The following TRPC4 variants were observed in gnomAD, a reference collection of about 807,000 sequenced individuals.
TRPC4 encodes the protein short transient receptor potential channel 4.
A neutral mutation model predicts 99.4 loss-of-function variants in TRPC4; 49 were observed. The observed-to-expected ratio is 0.49, with a 90% confidence interval of 0.39 to 0.63. The LOEUF (loss-of-function observed/expected upper bound fraction) is 0.63. Among genes scored for constraint, TRPC4 ranks in the 20% least tolerant of loss-of-function variants. The pLI, the probability that TRPC4 is intolerant of heterozygous loss-of-function variation, is 0.00. For synonymous variants in TRPC4, 454 were observed against 425.9 expected (o/e 1.07, Z -0.81); for missense variants, 898 against 1,152.9 (o/e 0.78, Z 3.20).
chr13:37,736,207 G>T (rs544557851), intron 3 of TRPC4, among the ~76,000 whole-genome samples: 9 of 152,210 alleles, frequency 5.9e-5, no homozygotes, highest in Non-Finnish European at 8.8e-5. Flanking sequence ...GCACTGAAAG[G>T]TTTGGTCCCT....
At chr13:37,778,194 A>G (rs552451150) in intron 2 of TRPC4, among the ~76,000 whole-genome samples, 51 of 152,218 alleles carry the variant, frequency 3.4e-4, no homozygotes, top group African/African-American at 1.2e-3. Flanking sequence ...CCAGACCAGC[A>G]TATGTCTTCA....
intron 1 of TRPC4, among the ~76,000 whole-genome samples, chr13:37,845,683 C>G (rs1267662798): frequency 6.6e-6 from 1 of 151,154 alleles, no homozygotes; most frequent in Non-Finnish European, 1.5e-5. Context: ...CACCATAAAG[C>G]AAACTAACTT....
chr13:37,777,921 C>T (rs1956751148), intron 2 of TRPC4, among the ~76,000 whole-genome samples: 1 of 151,964 alleles, frequency 6.6e-6, no homozygotes, highest in Non-Finnish European at 1.5e-5. Flanking sequence ...CACTTCACTT[C>T]ACTCTGTGCT....
intron 8 of TRPC4, among the ~76,000 whole-genome samples, chr13:37,648,814 G>A (rs772405056): frequency 1.8e-4 from 28 of 152,202 alleles, no homozygotes; most frequent in Non-Finnish European, 3.1e-4. Context: ...GAGAGGATAG[G>A]AGGGAGGGTT....
At position 37,824,679 on chromosome 13, in the gene TRPC4, A is replaced by T. The variant is rs566602337; in HGVS notation, c.-27-41319T>A. On this transcript the variant is annotated intron_variant, in intron 1 of 10. Coordinates refer to ENST00000379705, the MANE Select transcript of TRPC4 (RefSeq NM_016179.4). Reference sequence around the variant, plus strand: ...GTGCTGCTGGATTCGGTTTGCCATTATTTTATTGAGGATTTTTGCATCAAT... The same window carrying T: ...GTGCTGCTGGATTCGGTTTGCCATTTTTTTATTGAGGATTTTTGCATCAAT... Among the ~76,000 whole-genome samples, 685 of 152,178 alleles carry T rather than the reference A, an allele frequency of 4.5e-3. 2 individuals carry two copies. The highest frequency in any genetic ancestry group is 8.4e-3 in the Non-Finnish European group (569 of 68,016).
intron 1 of TRPC4, among the ~76,000 whole-genome samples, chr13:37,861,232 T>G (rs891299762): frequency 6.6e-6 from 1 of 151,560 alleles, no homozygotes; most frequent in Non-Finnish European, 1.5e-5. Flanking sequence ...TTTTTCTCAA[T>G]TGGGTTGTAT....
intron 3 of TRPC4, among the ~76,000 whole-genome samples, chr13:37,725,528 A>T (rs1023027553): frequency 5.3e-5 from 8 of 152,168 alleles, no homozygotes; most frequent in Admixed American, 4.6e-4. Context: ...CCTGAATAAG[A>T]TTATCAACAG....
Position 37,636,684 on chromosome 13 carries a change from A to G in TRPC4, c.*219T>C. Reference sequence around the variant, plus strand: ...AAGGTGCATTTATTTATTAACAAAAACAATTGTAAGACAAATTGTGAAAGC... The same window carrying G: ...AAGGTGCATTTATTTATTAACAAAAGCAATTGTAAGACAAATTGTGAAAGC... On this transcript the variant is annotated 3_prime_UTR_variant, in exon 11 of 11. Coordinates refer to ENST00000379705, the MANE Select transcript of TRPC4 (RefSeq NM_016179.4). 2.2e-6 allele frequency: 1 copy of G among 463,208 alleles called. No homozygotes were observed. Among genetic ancestry groups the G allele is most frequent in the East Asian group, 3.6e-5 (1 of 28,090 alleles). The allele number at this position is 463,208 out of a possible 1,614,324, so 28.7% of individuals were successfully genotyped here. A position where few individuals can be genotyped will look rare whatever the true frequency, so the allele number is the denominator to read the frequency against.
intron 3 of TRPC4, among the ~76,000 whole-genome samples, chr13:37,698,182 T>C (rs1421122246): frequency 1.4e-5 from 2 of 145,676 alleles, no homozygotes; most frequent in Non-Finnish European, 3.0e-5. Flanking sequence ...TTTTTTTGAG[T>C]GGGAATCTCA....
intron 3 of TRPC4, among the ~76,000 whole-genome samples, chr13:37,716,473 T>G (rs61955495): frequency 6.6e-6 from 1 of 152,150 alleles, no homozygotes; most frequent in African/African-American, 2.4e-5. Context: ...GGGTAGCTCA[T>G]GAAGAGAGCA....
intron 2 of TRPC4, among the ~76,000 whole-genome samples, chr13:37,760,461 T>A (rs1956193944): frequency 6.6e-6 from 1 of 151,980 alleles, no homozygotes; most frequent in South Asian, 2.1e-4. Context: ...GAAGTTATTA[T>A]AACTTTCCTA....
At chr13:37,730,561 A>G (rs1285567579) in intron 3 of TRPC4, among the ~76,000 whole-genome samples, 1 of 151,818 alleles carries the variant, frequency 6.6e-6, no homozygotes, top group Admixed American at 6.6e-5. Context: ...GAACATTTCC[A>G]TTTATATTAT....
chr13:37,728,883 T>C (rs1955153103), intron 3 of TRPC4, among the ~76,000 whole-genome samples: 1 of 152,108 alleles, frequency 6.6e-6, no homozygotes, highest in Non-Finnish European at 1.5e-5. Context: ...CTCACATATG[T>C]GATCAAATTG....
At chr13:37,737,517 G>A (rs1955436774) in intron 3 of TRPC4, among the ~76,000 whole-genome samples, 1 of 152,014 alleles carries the variant, frequency 6.6e-6, no homozygotes, top group African/African-American at 2.4e-5. Context: ...CTGTTCCGCA[G>A]GCTGGAATGC....
At chr13:37,809,043 A>C (rs969441289) in intron 1 of TRPC4, among the ~76,000 whole-genome samples, 7 of 152,142 alleles carry the variant, frequency 4.6e-5, no homozygotes, top group African/African-American at 1.7e-4. Context: ...ACCAGCAAAC[A>C]GGTTTATCCA....
intron 2 of TRPC4, among the ~76,000 whole-genome samples, chr13:37,764,755 T>A (rs1225739359): frequency 6.6e-6 from 1 of 150,892 alleles, no homozygotes; most frequent in East Asian, 2.0e-4. Flanking sequence ...TTTGCTAAAG[T>A]TTTTTTTGTT....
At chr13:37,652,311 A>G (rs1035598465) in intron 7 of TRPC4, among the ~76,000 whole-genome samples, 2 of 152,264 alleles carry the variant, frequency 1.3e-5, no homozygotes, top group Non-Finnish European at 2.9e-5. Context: ...TTAATATCAT[A>G]AACACGAACT....
intron 1 of TRPC4, among the ~76,000 whole-genome samples, chr13:37,865,114 T>G (rs1959650428): frequency 1.3e-5 from 2 of 151,870 alleles, no homozygotes; most frequent in South Asian, 4.1e-4. Context: ...ATATATATGT[T>G]TAGTAAATAT....
chr13:37,816,708 A>C (rs1212733176), intron 1 of TRPC4, among the ~76,000 whole-genome samples: 1 of 152,046 alleles, frequency 6.6e-6, no homozygotes, highest in Non-Finnish European at 1.5e-5. Context: ...CCTAGGATGC[A>C]AGATTGGTAC....
Sources: gnomAD v4.1 joint callset for allele counts (sites outside exome capture counted in the v4.1 genomes callset) on GRCh38, gnomAD v4.1.1 for gene constraint, MANE v1.5 for transcripts, NCBI Gene and HGNC (gene_info 2026-07-23, HGNC 2026-07-21) for gene names.